The following C8orf34 variants were observed in gnomAD, a reference collection of about 807,000 sequenced individuals.
The protein encoded by C8orf34 is chromosome 8 open reading frame 34.
In C8orf34, 65 loss-of-function variants were observed where a neutral mutation model predicts 68.3. That is an observed-to-expected ratio of 0.95 (90% CI 0.78 to 1.17). The LOEUF (loss-of-function observed/expected upper bound fraction) is 1.17, where lower values mean the gene tolerates loss of function less well. Among genes scored for constraint, C8orf34 ranks in the 50% most tolerant of loss-of-function variants. C8orf34 has a pLI of 0.00. For synonymous variants in C8orf34, 244 were observed against 241.2 expected (o/e 1.01, Z -0.11); for missense variants, 664 against 655.4 (o/e 1.01, Z -0.14).
chr8:68,570,305 G>A (rs949155274), intron 7 of C8orf34, among the ~76,000 whole-genome samples: 1 of 152,290 alleles, frequency 6.6e-6, no homozygotes. Context: ...TCCTGAGAAA[G>A]CTTCCTCACT....
intron 5 of C8orf34, among the ~76,000 whole-genome samples, chr8:68,491,996 G>A (rs548199193): frequency 1.3e-5 from 2 of 152,030 alleles, no homozygotes; most frequent in African/African-American, 2.4e-5. Flanking sequence ...ATGAGTGTTG[G>A]GTGTTTACAC....
chr8:68,426,226 G>C lies in C8orf34; in HGVS notation c.328-13273G>C, dbSNP rs141938009. On this transcript the variant is annotated intron_variant, in intron 1 of 13. Transcript: ENST00000518698. ...AGCTTTATGAAAAATCCTGTTAAGG[G>C]GGCAAAAAATGGCCGGGTGCGTGGC... 4.0e-5 allele frequency among the ~76,000 whole-genome samples: 6 copies of C among 151,564 alleles called. No homozygotes were observed. The East Asian group carries it at 1.2e-3, about 29-fold the overall frequency.
At chr8:68,718,789 A>G (rs1390361040) in intron 9 of C8orf34, among the ~76,000 whole-genome samples, 1 of 152,188 alleles carries the variant, frequency 6.6e-6, no homozygotes, top group Non-Finnish European at 1.5e-5. Context: ...TTAGGTTCCC[A>G]CCAACATGTC....
chr8:68,812,809 C>T (rs373728927), intron 12 of C8orf34, among the ~76,000 whole-genome samples: 36 of 152,182 alleles, frequency 2.4e-4, no homozygotes, highest in African/African-American at 8.4e-4. Context: ...GGGGCCACAC[C>T]TCAGTCTCTA....
intron 10 of C8orf34, among the ~76,000 whole-genome samples, chr8:68,735,417 G>A (rs1225058356): frequency 6.6e-6 from 1 of 152,164 alleles, no homozygotes; most frequent in Non-Finnish European, 1.5e-5. Context: ...TCATGTGAAT[G>A]TTTTGTCTTT....
chr8:68,730,619 G>A (rs969514080), intron 10 of C8orf34, among the ~76,000 whole-genome samples: 4 of 152,138 alleles, frequency 2.6e-5, no homozygotes, highest in Admixed American at 2.0e-4. Context: ...AGATGATAAA[G>A]TGTGATCTAA....
At chr8:68,780,397 A>G (rs1823641454) in intron 11 of C8orf34, among the ~76,000 whole-genome samples, 1 of 152,226 alleles carries the variant, frequency 6.6e-6, no homozygotes. Flanking sequence ...GGAAAAGAAG[A>G]TGAAGTACAA....
At chr8:68,393,283 T>C (rs1442976063) in intron 1 of C8orf34, among the ~76,000 whole-genome samples, 2 of 152,102 alleles carry the variant, frequency 1.3e-5, no homozygotes, top group African/African-American at 4.8e-5. Flanking sequence ...TGATTAAATA[T>C]AAAAATGTAG....
chr8:68,372,875 A>T (rs1807622177), intron 1 of C8orf34, among the ~76,000 whole-genome samples: 1 of 152,198 alleles, frequency 6.6e-6, no homozygotes, highest in Admixed American at 6.5e-5. Context: ...ATGTAACTTT[A>T]ACAGGAAGTC....
At chr8:68,812,644 A>AT (rs1824687571) in intron 12 of C8orf34, among the ~76,000 whole-genome samples, 1 of 152,130 alleles carries the variant, frequency 6.6e-6, no homozygotes, top group Non-Finnish European at 1.5e-5. Flanking sequence ...TAAAATCCCT[A>AT]TTTTTCATTG....
intron 5 of C8orf34, among the ~76,000 whole-genome samples, chr8:68,493,590 A>G (rs1051254213): frequency 2.0e-5 from 3 of 152,228 alleles, no homozygotes; most frequent in Admixed American, 6.5e-5. Flanking sequence ...TTAAAAAGTT[A>G]AAAATAAAAT....
At position 68,585,288 on chromosome 8, in the gene C8orf34, C is replaced by CAAAACCA. The variant is rs1378538101; in HGVS notation, c.1105+52158_1105+52164dup. Reference sequence around the variant, plus strand: ...GTGACAGCGTGATGAAACAGTAAAACAAAACCAAAAACCAAAAACCAAAAA... The same window carrying CAAAACCA: ...GTGACAGCGTGATGAAACAGTAAAACAAAACCAAAAACCAAAAACCAAAAACCAAAAA... On this transcript the variant is annotated intron_variant, in intron 7 of 13. Coordinates refer to ENST00000518698, the MANE Select transcript of C8orf34 (RefSeq NM_052958.4). 1.7e-3 allele frequency among the ~76,000 whole-genome samples: 263 copies of CAAAACCA among 151,792 alleles called. 3 individuals are homozygous for CAAAACCA. Among genetic ancestry groups the CAAAACCA allele is most frequent in the African/African-American group, 6.2e-3 (255 of 41,424 alleles).
At chr8:68,805,209 T>C (rs959221084) in intron 12 of C8orf34, among the ~76,000 whole-genome samples, 4 of 152,220 alleles carry the variant, frequency 2.6e-5, no homozygotes, top group African/African-American at 9.6e-5. Flanking sequence ...GTTTAAATCA[T>C]TTGAAATGTG....
chr8:68,617,243 T>A (rs1347740193), intron 7 of C8orf34, among the ~76,000 whole-genome samples: 1 of 152,210 alleles, frequency 6.6e-6, no homozygotes, highest in Non-Finnish European at 1.5e-5. Context: ...TCTATCCAAT[T>A]TGCCAGTCTG....
At chr8:68,395,504 G>T (rs945888173) in intron 1 of C8orf34, among the ~76,000 whole-genome samples, 1 of 151,946 alleles carries the variant, frequency 6.6e-6, no homozygotes, top group African/African-American at 2.4e-5. Flanking sequence ...TGAAATCCTT[G>T]ATGTCAAAGG....
intron 7 of C8orf34, among the ~76,000 whole-genome samples, chr8:68,547,651 C>T (rs1321618404): frequency 6.6e-6 from 1 of 151,708 alleles, no homozygotes. Context: ...ATCTCTATGA[C>T]ACAGTACAGT....
rs541259789 is a variant in C8orf34, at chr8:68,633,282, G to A, written c.1106-7094G>A. 3.2e-4 allele frequency among the ~76,000 whole-genome samples: 49 copies of A among 152,218 alleles called. 1 individual carries two copies. Among genetic ancestry groups the A allele is most frequent in the South Asian group, 2.1e-3 (10 of 4,814 alleles). On this transcript the variant is annotated intron_variant, in intron 7 of 13. Coordinates refer to ENST00000518698, the MANE Select transcript of C8orf34 (RefSeq NM_052958.4). ...TAGCCTCTCCAATAGAGGGGAGCACGGAAGCTAGTAAGAATAGGGCCAAGT... is the reference window on the plus strand; with the variant it reads ...TAGCCTCTCCAATAGAGGGGAGCACAGAAGCTAGTAAGAATAGGGCCAAGT...
intron 1 of C8orf34, among the ~76,000 whole-genome samples, chr8:68,372,674 C>T (rs1276072753): frequency 2.6e-5 from 4 of 152,136 alleles, no homozygotes; most frequent in Non-Finnish European, 5.9e-5. Context: ...CATAGGTATA[C>T]ACGTGCTGTG....
At chr8:68,348,974 A>G (rs966809331) in intron 1 of C8orf34, among the ~76,000 whole-genome samples, 2 of 151,948 alleles carry the variant, frequency 1.3e-5, no homozygotes, top group Non-Finnish European at 2.9e-5. Context: ...CTCTTTCCTG[A>G]TTGCCCTGGC....
Sources: gnomAD v4.1 joint callset for allele counts (sites outside exome capture counted in the v4.1 genomes callset) on GRCh38, gnomAD v4.1.1 for gene constraint, MANE v1.5 for transcripts, NCBI Gene and HGNC (gene_info 2026-07-23, HGNC 2026-07-21) for gene names.